Variants in BCAS3 observed in about 807,000 individuals in gnomAD.
BCAS3 encodes the protein BCAS4/BCAS3 fusion.
BCAS3 carries 53 observed loss-of-function variants against 116.1 expected under a neutral mutation model. The observed-to-expected ratio is 0.46, with a 90% CI of 0.37 to 0.57. The LOEUF (loss-of-function observed/expected upper bound fraction) is 0.57, where lower values mean the gene tolerates loss of function less well. Among genes scored for constraint, BCAS3 ranks in the 20% least tolerant of loss-of-function variants. The probability of loss-of-function intolerance (pLI) is 0.00; values close to 1 mark genes in which losing one functional copy is unlikely to be tolerated. For synonymous variants in BCAS3, 391 were observed against 408.2 expected (o/e 0.96, Z 0.51); for missense variants, 917 against 1,165.4 (o/e 0.79, Z 3.10).
chr17:61,322,517 A>T (rs1449020161), intron 22 of BCAS3, among the ~76,000 whole-genome samples: 1 of 152,096 alleles, frequency 6.6e-6, no homozygotes, highest in Non-Finnish European at 1.5e-5. Context: ...GGGCTGTGAC[A>T]TTTCTTCGCC....
intron 22 of BCAS3, among the ~76,000 whole-genome samples, chr17:61,342,499 G>GT (rs2057233219): frequency 6.6e-6 from 1 of 152,194 alleles, no homozygotes; most frequent in South Asian, 2.1e-4. Context: ...GGCCCAGTGA[G>GT]TGAGGCAGTG....
intron 22 of BCAS3, among the ~76,000 whole-genome samples, chr17:61,100,105 A>G (rs752393211): frequency 1.3e-5 from 2 of 152,234 alleles, no homozygotes; most frequent in Non-Finnish European, 2.9e-5. Flanking sequence ...TAAATGTTCA[A>G]TGTTAAGACT....
At position 61,008,726 on chromosome 17, in the gene BCAS3, G is replaced by A. The variant is rs923589807; in HGVS notation, c.1487-7025G>A. ...ATAAAAAAATAAAAAAAAAGGCCCCGTAGAACTCATCATCTAGTTTTTATT... is the reference window on the plus strand; with the variant it reads ...ATAAAAAAATAAAAAAAAAGGCCCCATAGAACTCATCATCTAGTTTTTATT... On this transcript the variant is annotated intron_variant, in intron 15 of 23. Coordinates refer to ENST00000407086, the MANE Select transcript of BCAS3 (RefSeq NM_017679.5). The surrounding 1 kb of genome is among the most constrained non-coding windows in gnomAD (Gnocchi z 4.6). Among the ~76,000 whole-genome samples the A allele has an allele frequency of 4.5e-4, 69 of 151,852 alleles. 1 individual carries two copies. Among genetic ancestry groups the A allele is most frequent in the African/African-American group, 1.5e-3 (61 of 41,348 alleles).
chr17:61,129,060 G>C (rs948795079), intron 22 of BCAS3, among the ~76,000 whole-genome samples: 2 of 152,164 alleles, frequency 1.3e-5, no homozygotes, highest in African/African-American at 4.8e-5. Context: ...ACTTTTGAAA[G>C]TGCTGTTTTG....
Position 61,286,305 on chromosome 17 carries a change from A to G in BCAS3, c.2426-82022A>G, listed in dbSNP as rs760985295. Among the ~76,000 whole-genome samples the G allele has an allele frequency of 2.0e-5, 3 of 152,216 alleles. No homozygotes were observed. Among genetic ancestry groups the G allele is most frequent in the Admixed American group, 6.5e-5 (1 of 15,278 alleles). On this transcript the variant is annotated intron_variant, in intron 22 of 23. Transcript: ENST00000407086. The surrounding 1 kb of genome is among the most constrained non-coding windows in gnomAD (Gnocchi z 4.8). ...TTGCTTCTGAGTTCTCTGAATCTGC[A>G]TTTGAAAGTTATCGTGAGCAGATGA... is the stretch of plus-strand genomic sequence containing the variant.
chr17:61,320,675 CAA>C (rs76246994), intron 22 of BCAS3, among the ~76,000 whole-genome samples: 33 of 97,014 alleles, frequency 3.4e-4, no homozygotes, highest in Admixed American at 3.5e-4. Flanking sequence ...GACTCTGTCT[CAA>C]AAAAAAAAAA....
At chr17:60,890,913 C>T (rs1241880273) in intron 10 of BCAS3, among the ~76,000 whole-genome samples, 2 of 152,038 alleles carry the variant, frequency 1.3e-5, no homozygotes, top group South Asian at 4.1e-4. Flanking sequence ...AATTTCTAGC[C>T]TCTGGAATGT....
chr17:60,869,985 G>C (rs1360180645), intron 8 of BCAS3, among the ~76,000 whole-genome samples: 5 of 152,106 alleles, frequency 3.3e-5, no homozygotes, highest in African/African-American at 1.2e-4. Context: ...TAAAATGTTT[G>C]CTCCATTTTA....
In BCAS3 at chr17:61,246,470, A is replaced by AG. The variant is rs556751423; in HGVS notation, c.2426-121856dup. Among the ~76,000 whole-genome samples the AG allele has an allele frequency of 7.5e-3, 978 of 129,716 alleles. 10 individuals are homozygous for AG. The highest frequency in any genetic ancestry group is 0.013 in the Non-Finnish European group (818 of 61,634). The allele number at this position is 129,716 out of a possible 152,430, so 85.1% of individuals were successfully genotyped here. A position where few individuals can be genotyped will look rare whatever the true frequency, so the allele number is the denominator to read the frequency against. ...CTGGGTAACAGAGCAAGACTGTCTCAGAAAAAAAAAAAAAAAAAAAAAAAA... is the reference window on the plus strand; with the variant it reads ...CTGGGTAACAGAGCAAGACTGTCTCAGGAAAAAAAAAAAAAAAAAAAAAAAA... On this transcript the variant is annotated intron_variant, in intron 22 of 23. Coordinates refer to ENST00000407086, the MANE Select transcript of BCAS3 (RefSeq NM_017679.5).
chr17:61,076,214 A>G (rs2071971471), intron 20 of BCAS3, among the ~76,000 whole-genome samples: 1 of 152,220 alleles, frequency 6.6e-6, no homozygotes, highest in Non-Finnish European at 1.5e-5. Context: ...GTCTGACATC[A>G]TTTTATGAAG....
chr17:61,299,665 A>G (rs2053275472), intron 22 of BCAS3, among the ~76,000 whole-genome samples: 1 of 152,178 alleles, frequency 6.6e-6, no homozygotes, highest in African/African-American at 2.4e-5. Flanking sequence ...TATTAGCCAG[A>G]GAGGTTTAGT....
rs984210301 is a variant in BCAS3, at chr17:61,227,902, G to T, written c.2426-140425G>T. On this transcript the variant is annotated intron_variant, in intron 22 of 23. Transcript: ENST00000407086. The surrounding 1 kb of genome is among the most constrained non-coding windows in gnomAD (Gnocchi z 6.1). ...AGGGAAGAATAGGTGATGCAGTGGG[G>T]TTGGCAGCACTTTTCCTATTACTTG... Among the ~76,000 whole-genome samples the T allele has an allele frequency of 1.3e-5, 2 of 152,178 alleles. No homozygotes were observed. Among genetic ancestry groups the T allele is most frequent in the Non-Finnish European group, 1.5e-5 (1 of 68,032 alleles).
rs2076054511 is a variant in BCAS3 at position 61,126,498 on chromosome 17, T to A, written c.2425+41934T>A. ...TTTTGTATTTTAAGTATTTTCATAA[T>A]CCAACATAAATTGGCCCACCCAAGG... On this transcript the variant is annotated intron_variant, in intron 22 of 23. Coordinates refer to ENST00000407086, the MANE Select transcript of BCAS3 (RefSeq NM_017679.5). This position sits in a 1 kb window ranked among gnomAD's most constrained non-coding sequence, Gnocchi z 4.6. Among the ~76,000 whole-genome samples, 2 of 152,208 alleles carry A rather than the reference T, an allele frequency of 1.3e-5. No individual in the cohort carries two copies. The highest frequency in any genetic ancestry group is 4.1e-4 in the South Asian group (2 of 4,832).
Position 61,104,313 on chromosome 17 carries a change from T to C in BCAS3, c.2425+19749T>C, listed in dbSNP as rs1376740660. On this transcript the variant is annotated intron_variant, in intron 22 of 23. Coordinates refer to ENST00000407086, the MANE Select transcript of BCAS3 (RefSeq NM_017679.5). This position sits in a 1 kb window ranked among gnomAD's most constrained non-coding sequence, Gnocchi z 4.1. ...CCAAGGAGTAGCTAAGACATATTTT[T>C]CTGCTTTTATTTTTTAAAAACTTTT... is the stretch of plus-strand genomic sequence containing the variant. Among the ~76,000 whole-genome samples the C allele has an allele frequency of 1.3e-5, 2 of 152,138 alleles. No individual in the cohort carries two copies. The highest frequency in any genetic ancestry group is 1.9e-4 in the East Asian group (1 of 5,204).
In BCAS3 at chr17:60,993,514, G is replaced by C. The variant is rs6504011; in HGVS notation, c.1486+3279G>C. Among the ~76,000 whole-genome samples the C allele has an allele frequency of 0.07, 10,619 of 152,064 alleles. 1,118 individuals are homozygous for C. The highest frequency in any genetic ancestry group is 0.23 in the African/African-American group (9,484 of 41,442). ...TTAAAATTTTATTTCCAGAATTTCC[G>C]TCTATTACTCTGTGTAGTTTTTCTC... On this transcript the variant is annotated intron_variant, in intron 15 of 23. Transcript: ENST00000407086. This position sits in a 1 kb window ranked among gnomAD's most constrained non-coding sequence, Gnocchi z 4.2.
rs1488709573 is a variant in BCAS3 at position 61,337,223 on chromosome 17, A to G, written c.2426-31104A>G. ...ATCGCCTCACCCGAGTGGAACAGGG[A>G]CGTGAGCCATGTCAGTGTCTGTAAA... On this transcript the variant is annotated intron_variant, in intron 22 of 23. Transcript: ENST00000407086. The surrounding 1 kb of genome is among the most constrained non-coding windows in gnomAD (Gnocchi z 4.8). Among the ~76,000 whole-genome samples, 2 of 152,080 alleles carry G rather than the reference A, an allele frequency of 1.3e-5. No individual in the cohort carries two copies. Among genetic ancestry groups the G allele is most frequent in the African/African-American group, 4.8e-5 (2 of 41,404 alleles).
At chr17:60,799,973 A>C (rs1327793303) in intron 6 of BCAS3, among the ~76,000 whole-genome samples, 1 of 151,878 alleles carries the variant, frequency 6.6e-6, no homozygotes, top group Non-Finnish European at 1.5e-5. Context: ...GTATGGATGT[A>C]CCATTCATCT....
rs1052807621 is a variant in BCAS3, at chr17:61,106,786, T to G, written c.2425+22222T>G. On this transcript the variant is annotated intron_variant, in intron 22 of 23. Coordinates refer to ENST00000407086, the MANE Select transcript of BCAS3 (RefSeq NM_017679.5). The surrounding 1 kb of genome is among the most constrained non-coding windows in gnomAD (Gnocchi z 4.2). Reference sequence around the variant, plus strand: ...ATGGTGGCTGGATCATTTATTTGTCTGATTTTCTATCATTAAACTTTGAGA... The same window carrying G: ...ATGGTGGCTGGATCATTTATTTGTCGGATTTTCTATCATTAAACTTTGAGA... 6.6e-6 allele frequency among the ~76,000 whole-genome samples: 1 copy of G among 152,248 alleles called. No individual in the cohort carries two copies. Among genetic ancestry groups the G allele is most frequent in the African/African-American group, 2.4e-5 (1 of 41,476 alleles).
chr17:60,970,096 A>G (rs1030735273), intron 14 of BCAS3, among the ~76,000 whole-genome samples: 5 of 152,192 alleles, frequency 3.3e-5, no homozygotes, highest in Admixed American at 6.5e-5. Context: ...CCTTTTAAAA[A>G]TTTGTGTCTA....
Sources: allele counts gnomAD v4.1 joint callset (sites outside exome capture counted in the v4.1 genomes callset), GRCh38; gene constraint gnomAD v4.1.1; non-coding constraint Gnocchi (gnomAD v3.1); transcripts MANE v1.5; gene names NCBI Gene and HGNC (gene_info 2026-07-23, HGNC 2026-07-21).